NUBPL: variants seen among roughly 807,000 people sequenced by gnomAD.
NUBPL encodes iron-sulfur cluster transfer protein NUBPL.
In NUBPL, 31 loss-of-function variants were observed where a neutral mutation model predicts 45.7. That is an observed-to-expected ratio of 0.68 (90% CI 0.51 to 0.92). The LOEUF (loss-of-function observed/expected upper bound fraction) is 0.92, where lower values mean the gene tolerates loss of function less well. Among genes scored for constraint, NUBPL ranks in the 40% least tolerant of loss-of-function variants. NUBPL has a pLI of 0.00. For missense variants in NUBPL, 401 were observed against 398.7 expected (o/e 1.01, Z -0.05); for synonymous variants, 144 against 140.9 (o/e 1.02, Z -0.15).
chr14:31,689,827 T>G (rs937504046), intron 6 of NUBPL, among the ~76,000 whole-genome samples: 1 of 152,236 alleles, frequency 6.6e-6, no homozygotes, highest in African/African-American at 2.4e-5. Context: ...CATCTTGAGT[T>G]GATTTTTACA....
At chr14:31,629,458 AT>A (rs2035287632) in intron 4 of NUBPL, among the ~76,000 whole-genome samples, 2 of 152,166 alleles carry the variant, frequency 1.3e-5, no homozygotes, top group Admixed American at 6.6e-5. Context: ...TTGATAACCT[AT>A]TTTTGTAAAA....
chr14:31,640,406 C>A (rs2035653636), intron 4 of NUBPL, among the ~76,000 whole-genome samples: 1 of 152,068 alleles, frequency 6.6e-6, no homozygotes, highest in African/African-American at 2.4e-5. Flanking sequence ...TTGAAACCAG[C>A]CTGGCCAACA....
At chr14:31,608,949 G>T (rs1443375368) in intron 4 of NUBPL, among the ~76,000 whole-genome samples, 6 of 152,000 alleles carry the variant, frequency 3.9e-5, no homozygotes, top group Admixed American at 1.3e-4. Context: ...CAAATAAAAA[G>T]CAAGAAAGTA....
chr14:31,803,213 T>C (rs2039625397), intron 7 of NUBPL, among the ~76,000 whole-genome samples: 1 of 152,196 alleles, frequency 6.6e-6, no homozygotes, highest in South Asian at 2.1e-4. Flanking sequence ...ATAGTTTCCT[T>C]GATTGTTTGG....
At chr14:31,847,261 C>T (rs184770816) in intron 9 of NUBPL, among the ~76,000 whole-genome samples, 38 of 152,266 alleles carry the variant, frequency 2.5e-4, no homozygotes, top group African/African-American at 8.4e-4. Flanking sequence ...ATGTCTGTTC[C>T]GTATGTTGTA....
chr14:31,850,900 G>C (rs1018599646), intron 10 of NUBPL, among the ~76,000 whole-genome samples: 1 of 152,008 alleles, frequency 6.6e-6, no homozygotes, highest in Non-Finnish European at 1.5e-5. Context: ...TGAGATTATA[G>C]GCATGAGCCA....
At chr14:31,706,888 C>G (rs1355444057) in intron 6 of NUBPL, among the ~76,000 whole-genome samples, 1 of 152,146 alleles carries the variant, frequency 6.6e-6, no homozygotes, top group Non-Finnish European at 1.5e-5. Flanking sequence ...TTAATAAGAC[C>G]TCATTCAGTC....
chr14:31,805,554 C>T (rs1209275856), intron 7 of NUBPL, among the ~76,000 whole-genome samples: 1 of 152,060 alleles, frequency 6.6e-6, no homozygotes, highest in African/African-American at 2.4e-5. Context: ...AGAAAATATG[C>T]TATATACACA....
At chr14:31,700,224 G>A (rs971943766) in intron 6 of NUBPL, among the ~76,000 whole-genome samples, 2 of 152,166 alleles carry the variant, frequency 1.3e-5, no homozygotes, top group African/African-American at 2.4e-5. Context: ...TCTGTCCAGC[G>A]ACACAGTAAA....
chr14:31,707,449 C>A (rs182828971), intron 6 of NUBPL, among the ~76,000 whole-genome samples: 7 of 152,286 alleles, frequency 4.6e-5, no homozygotes, highest in African/African-American at 1.7e-4. Flanking sequence ...CTTTCTGACT[C>A]CCTCTTTGTC....
At chr14:31,724,746 G>A (rs2037882481) in intron 6 of NUBPL, among the ~76,000 whole-genome samples, 1 of 152,168 alleles carries the variant, frequency 6.6e-6, no homozygotes, top group Non-Finnish European at 1.5e-5. Context: ...CCTTTGTCTT[G>A]TGGATCGTAC....
At chr14:31,722,289 C>T (rs2037827625) in intron 6 of NUBPL, among the ~76,000 whole-genome samples, 1 of 152,140 alleles carries the variant, frequency 6.6e-6, no homozygotes, top group Admixed American at 6.5e-5. Flanking sequence ...GGATTACAGG[C>T]ATAAGCCACC....
At chr14:31,599,693 TA>T (rs762323021) in intron 4 of NUBPL, among the ~76,000 whole-genome samples, 1 of 152,106 alleles carries the variant, frequency 6.6e-6, no homozygotes, top group Non-Finnish European at 1.5e-5. Flanking sequence ...GAAAGATTAA[TA>T]AAAACAATAT....
chr14:31,603,299 G>GAAAAAAAAAAAAAAA (rs529470069), intron 4 of NUBPL, among the ~76,000 whole-genome samples: 2 of 57,084 alleles, frequency 3.5e-5, no homozygotes, highest in African/African-American at 6.2e-5. Flanking sequence ...GATCCTGTCT[G>GAAAAAAAAAAAAAAA]AAAAAAAAAA....
At chr14:31,583,282 T>C (rs1208486407) in intron 3 of NUBPL, among the ~76,000 whole-genome samples, 1 of 152,194 alleles carries the variant, frequency 6.6e-6, no homozygotes, top group Non-Finnish European at 1.5e-5. Flanking sequence ...TGGTGACTGC[T>C]GGTTTTAGCT....
At position 31,693,582 on chromosome 14, in the gene NUBPL, T is replaced by C. The variant is rs368367232; in HGVS notation, c.513+20008T>C. On this transcript the variant is annotated intron_variant, in intron 6 of 10. Coordinates refer to ENST00000281081, the MANE Select transcript of NUBPL (RefSeq NM_025152.3). ...TATTACCTTGCATGGAAAAGATTCA[T>C]AGACTATGCATTAACTATAGGTGAA... Among the ~76,000 whole-genome samples, 10 of 152,260 alleles carry C rather than the reference T, an allele frequency of 6.6e-5. No individual in the cohort carries two copies. In the South Asian group the frequency reaches 1.9e-3, roughly 28 times the overall value.
intron 4 of NUBPL, among the ~76,000 whole-genome samples, chr14:31,619,626 G>A (rs751223240): frequency 1.2e-4 from 19 of 152,128 alleles, no homozygotes; most frequent in Non-Finnish European, 2.4e-4. Flanking sequence ...CTTTCTTCTG[G>A]CTTGTAGGGT....
intron 6 of NUBPL, among the ~76,000 whole-genome samples, chr14:31,682,385 A>C (rs1326350965): frequency 6.6e-6 from 1 of 152,008 alleles, no homozygotes; most frequent in East Asian, 1.9e-4. Context: ...TAATTCTTTT[A>C]CTTTTAACCT....
intron 6 of NUBPL, among the ~76,000 whole-genome samples, chr14:31,775,468 C>A (rs1424744345): frequency 6.6e-6 from 1 of 152,060 alleles, no homozygotes; most frequent in African/African-American, 2.4e-5. Flanking sequence ...AGTGCCATAT[C>A]TCACATTAGA....
Sources: allele counts gnomAD v4.1 joint callset (sites outside exome capture counted in the v4.1 genomes callset), GRCh38; gene constraint gnomAD v4.1.1; transcripts MANE v1.5; gene names NCBI Gene and HGNC (gene_info 2026-07-23, HGNC 2026-07-21).